The following CFAP221 variants were observed in gnomAD, a reference collection of about 807,000 sequenced individuals.
CFAP221 encodes the protein cilia and flagella associated protein 221, also known as cilia- and flagella-associated protein 221.
CFAP221 carries 97 observed loss-of-function variants against 113.1 expected under a neutral mutation model. The ratio of observed to expected loss-of-function variants is 0.86; its 90% CI spans 0.73 to 1.02. CFAP221 has a LOEUF of 1.02. Ranked by LOEUF, CFAP221 falls within the 50% of genes least tolerant of loss-of-function variation. The pLI is 0.00. For synonymous variants in CFAP221, 331 were observed against 354.4 expected (o/e 0.93, Z 0.74); for missense variants, 1,025 against 1,013.4 (o/e 1.01, Z -0.16).
At chr2:119,639,524 G>T (rs965239011) in intron 20 of CFAP221, among the ~76,000 whole-genome samples, 1 of 152,192 alleles carries the variant, frequency 6.6e-6, no homozygotes, top group Non-Finnish European at 1.5e-5. Flanking sequence ...CCTCCATCCC[G>T]AGGACATGTT....
At chr2:119,567,873 C>T (rs1354067991) in intron 6 of CFAP221, among the ~76,000 whole-genome samples, 1 of 152,068 alleles carries the variant, frequency 6.6e-6, no homozygotes, top group Non-Finnish European at 1.5e-5. Context: ...CACTATTTAT[C>T]TTCCTGTGGT....
At chr2:119,645,609 A>C (rs977826203) in intron 21 of CFAP221, among the ~76,000 whole-genome samples, 1 of 151,870 alleles carries the variant, frequency 6.6e-6, no homozygotes, top group African/African-American at 2.4e-5. Flanking sequence ...GCCAGTCTTC[A>C]TACTTGACAA....
In CFAP221 at chr2:119,559,950, T is replaced by G; in HGVS notation, c.350T>G (p.Leu117Trp). The change falls in exon 5 of 24, where the codon TTG becomes TGG. Residue 117 changes from leucine to tryptophan, a missense_variant. Coordinates refer to ENST00000413369, the MANE Select transcript of CFAP221 (RefSeq NM_001271049.2). The part of the protein sequence containing the change: ...VRKEHHLVPG[L>W]SLTVTVTFSP... ...CAGGAACACCACCTGGTCCCTGGCT[T>G]GTCCCTCACGGTCACCGTTACATTT... is the stretch of plus-strand genomic sequence containing the variant. The G allele has an allele frequency of 6.5e-7, 1 of 1,535,876 alleles. No individual in the cohort carries two copies. Among genetic ancestry groups the G allele is most frequent in the Non-Finnish European group, 8.7e-7 (1 of 1,146,808 alleles).
chr2:119,548,042 C>T (rs762806602), intron 2 of CFAP221, among the ~76,000 whole-genome samples: 44 of 152,118 alleles, frequency 2.9e-4, no homozygotes, highest in Non-Finnish European at 5.4e-4. Flanking sequence ...CAGCTCACTG[C>T]AGTCTCAATC....
At chr2:119,572,064 A>G (rs1241755656) in intron 6 of CFAP221, among the ~76,000 whole-genome samples, 3 of 152,212 alleles carry the variant, frequency 2.0e-5, no homozygotes, top group Admixed American at 6.5e-5. Flanking sequence ...AAGGTCCTGA[A>G]TTGGGCTGGT....
At chr2:119,570,208 C>A (rs959655753) in intron 6 of CFAP221, among the ~76,000 whole-genome samples, 1 of 152,204 alleles carries the variant, frequency 6.6e-6, no homozygotes, top group Non-Finnish European at 1.5e-5. Context: ...GTGAACTTCA[C>A]AAGTACTTCT....
At position 119,619,361 on chromosome 2, in the gene CFAP221, C is replaced by T. The variant is rs577203509; in HGVS notation, c.1410+3652C>T. 7.9e-5 allele frequency among the ~76,000 whole-genome samples: 12 copies of T among 152,228 alleles called. No individual in the cohort carries two copies. In the South Asian group the frequency reaches 2.1e-3, roughly 26 times the overall value. ...GCTCCAGCTGGCATCTGGTGGGTGC[C>T]CCTCTGGGATGAAGCTTCCAGAGGA... On this transcript the variant is annotated intron_variant, in intron 14 of 23. Transcript: ENST00000413369.
intron 14 of CFAP221, 44 bp downstream of exon 14, chr2:119,615,753 C>T: frequency 1.4e-6 from 2 of 1,452,306 alleles, no homozygotes; most frequent in South Asian, 1.2e-5. Flanking sequence ...GTTTACTCAT[C>T]AGCATAAGGA....
At chr2:119,568,096 A>G (rs1363432110) in intron 6 of CFAP221, among the ~76,000 whole-genome samples, 2 of 152,088 alleles carry the variant, frequency 1.3e-5, no homozygotes, top group Admixed American at 6.5e-5. Flanking sequence ...CTCTCCTCTC[A>G]TGTATAACTG....
chr2:119,615,791 CTTT>C, intron 14 of CFAP221, 82 bp downstream of exon 14: 1 of 1,003,500 alleles, frequency 1.0e-6, no homozygotes, highest in Non-Finnish European at 1.5e-6. Context: ...TTGATAACAC[CTTT>C]ATTGAGATAC....
intron 3 of CFAP221, among the ~76,000 whole-genome samples, chr2:119,549,928 T>C (rs1453610884): frequency 6.6e-6 from 1 of 152,244 alleles, no homozygotes; most frequent in African/African-American, 2.4e-5. Flanking sequence ...ACCTGGATGT[T>C]GACTAGGGTG....
At chr2:119,579,592 C>T (rs1411727834) in intron 6 of CFAP221, among the ~76,000 whole-genome samples, 1 of 152,190 alleles carries the variant, frequency 6.6e-6, no homozygotes, top group Non-Finnish European at 1.5e-5. Flanking sequence ...AACTGTACTA[C>T]TTGCACTGCT....
chr2:119,568,754 G>T (rs1347379319), intron 6 of CFAP221, among the ~76,000 whole-genome samples: 1 of 152,058 alleles, frequency 6.6e-6, no homozygotes, highest in Non-Finnish European at 1.5e-5. Flanking sequence ...TGGGCATTTG[G>T]GTTGATTCCA....
chr2:119,573,820 C>G (rs910474579), intron 6 of CFAP221, among the ~76,000 whole-genome samples: 1 of 152,196 alleles, frequency 6.6e-6, no homozygotes, highest in African/African-American at 2.4e-5. Flanking sequence ...AGTTACTCAT[C>G]TTGACCCAGT....
chr2:119,558,395 A>G (rs1470086367), intron 3 of CFAP221, among the ~76,000 whole-genome samples: 2 of 152,370 alleles, frequency 1.3e-5, no homozygotes, highest in East Asian at 1.9e-4. Flanking sequence ...TTGGAGGCCA[A>G]GAGAAGCCTG....
chr2:119,645,112 C>A (rs1005877442), intron 21 of CFAP221, among the ~76,000 whole-genome samples: 8 of 150,466 alleles, frequency 5.3e-5, no homozygotes, highest in African/African-American at 2.0e-4. Context: ...AGCTCTCTCT[C>A]TCTCTCTGTC....
intron 22 of CFAP221, among the ~76,000 whole-genome samples, chr2:119,647,451 T>C (rs1687879835): frequency 1.3e-5 from 2 of 152,312 alleles, no homozygotes; most frequent in South Asian, 4.1e-4. Flanking sequence ...CAACAGCCAG[T>C]GAAATGGTTT....
intron 21 of CFAP221, among the ~76,000 whole-genome samples, chr2:119,646,146 G>A (rs1319665779): frequency 6.6e-6 from 1 of 152,128 alleles, no homozygotes; most frequent in Non-Finnish European, 1.5e-5. Context: ...ACAAGGAGGT[G>A]GGGAGGAAGA....
intron 15 of CFAP221, among the ~76,000 whole-genome samples, chr2:119,626,810 G>C (rs1000243808): frequency 2.0e-5 from 3 of 151,686 alleles, no homozygotes; most frequent in Admixed American, 6.6e-5. Context: ...TATGCCTGTA[G>C]TCCCAGCTAC....
Sources: allele counts gnomAD v4.1 joint callset (sites outside exome capture counted in the v4.1 genomes callset), GRCh38; gene constraint gnomAD v4.1.1; transcripts MANE v1.5; gene names NCBI Gene and HGNC (gene_info 2026-07-23, HGNC 2026-07-21).